The following SOX6 variants were observed in gnomAD, a reference collection of about 807,000 sequenced individuals.
The protein encoded by SOX6 is SRY-box transcription factor 6.
In SOX6, 11 loss-of-function variants were observed where a neutral mutation model predicts 97.8. The ratio of observed to expected loss-of-function variants is 0.11; its 90% confidence interval spans 0.07 to 0.19. The LOEUF (loss-of-function observed/expected upper bound fraction) is 0.19. Ranked by LOEUF, SOX6 falls within the 10% of genes least tolerant of loss-of-function variation. The pLI is 1.00. For synonymous variants in SOX6, 360 were observed against 371.4 expected (o/e 0.97, Z 0.35); for missense variants, 810 against 1,039.5 (o/e 0.78, Z 3.04).
intron 2 of SOX6, among the ~76,000 whole-genome samples, chr11:16,325,456 A>G (rs1856058138): frequency 6.6e-6 from 1 of 152,120 alleles, no homozygotes; most frequent in Non-Finnish European, 1.5e-5. Context: ...TCTTCCATAA[A>G]CATATTACTC....
chr11:16,266,948 A>C (rs1854098735), intron 3 of SOX6, among the ~76,000 whole-genome samples: 2 of 151,548 alleles, frequency 1.3e-5, no homozygotes, highest in Non-Finnish European at 3.0e-5. Context: ...TATACATGGC[A>C]GTCTCTTCAA....
chr11:16,264,448 T>C (rs1854007623), intron 3 of SOX6: 1 of 151,990 alleles, frequency 6.6e-6, no homozygotes, highest in Non-Finnish European at 1.5e-5. Flanking sequence ...TACTCCATTG[T>C]GGGACTGCAG....
intron 4 of SOX6, among the ~76,000 whole-genome samples, chr11:16,512,246 G>T (rs7924783): frequency 0.36 from 54,718 of 151,976 alleles, 10,005 homozygotes; most frequent in Admixed American, 0.44. Flanking sequence ...AGAAGTACTG[G>T]GGGATATCTT....
intron 4 of SOX6, among the ~76,000 whole-genome samples, chr11:16,526,580 A>C (rs906269848): frequency 3.0e-4 from 45 of 152,148 alleles, no homozygotes; most frequent in African/African-American, 1.1e-3. Flanking sequence ...ACATGTATAC[A>C]TATGTAACTA....
chr11:16,460,712 C>T (rs1169929092), intron 1 of SOX6, among the ~76,000 whole-genome samples: 1 of 152,054 alleles, frequency 6.6e-6, no homozygotes, highest in Non-Finnish European at 1.5e-5. Context: ...GAGTCATAGT[C>T]ATCACTTTAT....
intron 1 of SOX6, among the ~76,000 whole-genome samples, chr11:16,415,724 C>T (rs1858912776): frequency 6.6e-6 from 1 of 152,006 alleles, no homozygotes; most frequent in Admixed American, 6.6e-5. Context: ...GCACAAAGAA[C>T]ACCATGGAAT....
chr11:16,052,127 A>G (rs1847701584), intron 10 of SOX6, among the ~76,000 whole-genome samples: 1 of 152,026 alleles, frequency 6.6e-6, no homozygotes, highest in African/African-American at 2.4e-5. Flanking sequence ...TTAACTTTGA[A>G]ATACTCTAAT....
At chr11:16,429,507 T>C (rs769953497) in intron 1 of SOX6, among the ~76,000 whole-genome samples, 3 of 152,128 alleles carry the variant, frequency 2.0e-5, no homozygotes, top group Non-Finnish European at 2.9e-5. Context: ...TAAAAAAGAA[T>C]GAGATCATAC....
At chr11:16,171,890 C>T (rs1000969646) in intron 6 of SOX6, among the ~76,000 whole-genome samples, 1 of 151,692 alleles carries the variant, frequency 6.6e-6, no homozygotes, top group Admixed American at 6.6e-5. Flanking sequence ...TCCTGCGACC[C>T]AATAAATTGT....
In SOX6 at chr11:15,968,527, G is replaced by A. The variant is rs76120587; in HGVS notation, c.*4282C>T. 3.0e-4 allele frequency: 46 copies of A among 152,336 alleles called. No homozygotes were observed. In the East Asian group the frequency reaches 8.5e-3, roughly 28 times the overall value. The allele number at this position is 152,336 out of a possible 1,614,324, so 9.4% of individuals were successfully genotyped here. A position where few individuals can be genotyped will look rare whatever the true frequency, so the allele number is the denominator to read the frequency against. On this transcript the variant is annotated 3_prime_UTR_variant, in exon 16 of 16. Coordinates refer to ENST00000683767, the MANE Select transcript of SOX6 (RefSeq NM_001367873.1). Reference sequence around the variant, plus strand: ...CAAGTGACCAGGCTGCCTTCCTACTGAGGGTAAATGGGCTTTCCTGAAACA... The same window carrying A: ...CAAGTGACCAGGCTGCCTTCCTACTAAGGGTAAATGGGCTTTCCTGAAACA...
At chr11:16,479,967 A>G (rs2133123693), upstream of SOX6, among the ~76,000 whole-genome samples, 1 of 152,242 alleles carries the variant, frequency 6.6e-6, no homozygotes, top group South Asian at 2.1e-4. Context: ...TTGATTGAAT[A>G]AGTAAATTGT....
intron 9 of SOX6, among the ~76,000 whole-genome samples, chr11:16,087,507 C>T (rs1195206934): frequency 6.6e-6 from 1 of 151,976 alleles, no homozygotes; most frequent in Non-Finnish European, 1.5e-5. Flanking sequence ...ATAATATTCC[C>T]TTATTGACAG....
At chr11:16,111,066 C>G (rs137940373) in intron 7 of SOX6, among the ~76,000 whole-genome samples, 3 of 152,326 alleles carry the variant, frequency 2.0e-5, no homozygotes, top group African/African-American at 7.2e-5. Context: ...CTTTTATTTA[C>G]TTGACTATCT....
At chr11:16,409,370 T>C (rs756123270) in intron 1 of SOX6, among the ~76,000 whole-genome samples, 28 of 150,816 alleles carry the variant, frequency 1.9e-4, no homozygotes, top group Middle Eastern at 3.4e-3. Flanking sequence ...AAGATAAAAA[T>C]ATTTTTCCTC....
At chr11:16,022,094 C>T (rs890630378) in intron 12 of SOX6, among the ~76,000 whole-genome samples, 1 of 152,104 alleles carries the variant, frequency 6.6e-6, no homozygotes, top group African/African-American at 2.4e-5. Flanking sequence ...AATGCTCATG[C>T]CACAAGGGCT....
Position 16,097,479 on chromosome 11 carries a change from G to C in SOX6, c.978+130C>G, listed in dbSNP as rs139128394. ...TATTTGCATTACGATAAGCAAATAAGGTGTTAATCCTTCTGGGCTATGCTT... is the reference window on the plus strand; with the variant it reads ...TATTTGCATTACGATAAGCAAATAACGTGTTAATCCTTCTGGGCTATGCTT... On this transcript the variant is annotated intron_variant, in intron 8 of 15. Transcript: ENST00000683767. 365 of 769,482 alleles carry C rather than the reference G, an allele frequency of 4.7e-4. 1 individual carries two copies. The Admixed American group carries it at 6.5e-3, about 14-fold the overall frequency. The allele number at this position is 769,482 out of a possible 1,614,324, so 47.7% of individuals were successfully genotyped here.
intron 3 of SOX6, among the ~76,000 whole-genome samples, chr11:16,646,872 A>G (rs1466392457): frequency 6.6e-6 from 1 of 152,050 alleles, no homozygotes; most frequent in Non-Finnish European, 1.5e-5. Context: ...TTTTTTGTAT[A>G]ATGACTTATT....
At chr11:16,340,625 T>C (rs1213036377) in intron 2 of SOX6, among the ~76,000 whole-genome samples, 1 of 152,126 alleles carries the variant, frequency 6.6e-6, no homozygotes, top group Non-Finnish European at 1.5e-5. Flanking sequence ...TATGACCTCA[T>C]TCACACAGAC....
chr11:16,401,148 A>G (rs1269579564), intron 1 of SOX6, among the ~76,000 whole-genome samples: 1 of 151,602 alleles, frequency 6.6e-6, no homozygotes, highest in East Asian at 1.9e-4. Flanking sequence ...TAGGAAAAAG[A>G]ACAGTTAACT....
Sources: allele counts gnomAD v4.1 joint callset (sites outside exome capture counted in the v4.1 genomes callset), GRCh38; gene constraint gnomAD v4.1.1; transcripts MANE v1.5; gene names NCBI Gene and HGNC (gene_info 2026-07-23, HGNC 2026-07-21).